Variants in KRI1 observed in about 807,000 individuals in gnomAD.
The protein encoded by KRI1 is KRI1 homolog, also known as protein KRI1 homolog.
A neutral mutation model predicts 97.0 loss-of-function variants in KRI1; 83 were observed. That is an observed-to-expected ratio of 0.86 (90% CI 0.72 to 1.03). The LOEUF (loss-of-function observed/expected upper bound fraction) is 1.03, where lower values mean the gene tolerates loss of function less well. KRI1 is among the 50% of genes least tolerant of loss of function. KRI1 has a pLI of 0.00. For synonymous variants in KRI1, 371 were observed against 363.5 expected (o/e 1.02, Z -0.23); for missense variants, 916 against 928.4 (o/e 0.99, Z 0.17).
rs913476641 is a variant in KRI1 at position 10,553,808 on chromosome 19, C to T, written c.*143G>A. The T allele has an allele frequency of 3.4e-5, 24 of 713,794 alleles. No homozygotes were observed. The Admixed American group carries it at 3.9e-4, about 12-fold the overall frequency. 44.2% of individuals were successfully genotyped at this position (713,794 alleles called of 1,614,324 possible). Reference sequence around the variant, plus strand: ...CTGGGCTCAAGTGATCCTTTCACCTCGGCCTCCCAAAGTGCTGGGATTACA... The same window carrying T: ...CTGGGCTCAAGTGATCCTTTCACCTTGGCCTCCCAAAGTGCTGGGATTACA... On this transcript the variant is annotated 3_prime_UTR_variant, in exon 19 of 19. Coordinates refer to ENST00000312962, the MANE Select transcript of KRI1 (RefSeq NM_023008.5).
chr19:10,559,000 C>T (rs1228100132), intron 12 of KRI1, among the ~76,000 whole-genome samples: 2 of 137,360 alleles, frequency 1.5e-5, no homozygotes, highest in African/African-American at 2.5e-5. Flanking sequence ...CCACTGCACC[C>T]GGCCAGGTCT....
intron 2 of KRI1, 116 bp downstream of exon 2, chr19:10,565,601 G>A: frequency 1.5e-6 from 2 of 1,321,952 alleles, no homozygotes; most frequent in East Asian, 2.7e-5. Flanking sequence ...GCGGAGGATG[G>A]GACGCTCCCG....
At chr19:10,558,486 C>T (rs1916590028) in intron 12 of KRI1, among the ~76,000 whole-genome samples, 1 of 152,144 alleles carries the variant, frequency 6.6e-6, no homozygotes, top group African/African-American at 2.4e-5. Context: ...AGTTCTTCGC[C>T]GTCCTACCCA....
rs370413937 is a variant in KRI1, at chr19:10,559,822, C to T, written c.915G>A (p.Pro305=). The change falls in exon 10 of 19, where the codon CCG becomes CCA. Residue 305 remains proline, a synonymous_variant. Transcript: ENST00000312962. Reference sequence around the variant, plus strand: ...CCCAGCCACACACCGATGCTGAGTCCGGCTCCTCGAAACGGAAATTGTACT... The same window carrying T: ...CCCAGCCACACACCGATGCTGAGTCTGGCTCCTCGAAACGGAAATTGTACT... ...EQKYNFRFEE[P]DSASVKTYPR... The T allele has an allele frequency of 5.8e-5, 93 of 1,613,702 alleles. No individual in the cohort carries two copies. Among genetic ancestry groups the T allele is most frequent in the Non-Finnish European group, 7.1e-5 (84 of 1,180,012 alleles).
chr19:10,560,001 A>G, intron 9 of KRI1, 65 bp from the exon 10 acceptor site: 2 of 1,572,072 alleles, frequency 1.3e-6, no homozygotes, highest in Non-Finnish European at 1.7e-6. Context: ...CCTTTCCTGC[A>G]CGCCTGGGTA....
At chr19:10,562,234 G>C (rs1404999721) in intron 4 of KRI1, among the ~76,000 whole-genome samples, 3 of 151,984 alleles carry the variant, frequency 2.0e-5, no homozygotes, top group African/African-American at 7.3e-5. Flanking sequence ...ATTTTTAGTA[G>C]AGACGGGGTT....
chr19:10,553,242 C>A lies in KRI1; in HGVS notation c.*709G>T. ...AGGGACAGAGCCCACAGAGCCCATA[C>A]ACCTGTCTCCCACCAGCGGGGCCCT... On this transcript the variant is annotated 3_prime_UTR_variant, in exon 19 of 19. Coordinates refer to ENST00000312962, the MANE Select transcript of KRI1 (RefSeq NM_023008.5). The A allele has an allele frequency of 1.2e-6, 1 of 813,026 alleles. No homozygotes were observed. Among genetic ancestry groups the A allele is most frequent in the African/African-American group, 1.7e-5 (1 of 58,174 alleles). 50.4% of individuals were successfully genotyped at this position (813,026 alleles called of 1,614,324 possible).
At position 10,557,837 on chromosome 19, in the gene KRI1, G is replaced by A. The variant is rs371976308; in HGVS notation, c.1418C>T (p.Thr473Met). ...PRKKKREAPL[T>M]GKKKRKSPFA... The stretch of plus-strand genomic sequence containing the variant: ...GGGCGACTTGCGCTTCTTCTTGCCC[G>A]TCAAGGGGGCCTCGCGCTTTTTCTT... The change falls in exon 15 of 19, where the codon ACG (threonine) becomes ATG (methionine). Residue 473 changes from threonine (T) to methionine (M), a missense_variant. Thr to Met is a moderately conservative substitution (Grantham distance 81). Around this residue, in one of 3 missense-constraint regions of KRI1, gnomAD observed 672 missense variants for 667.2 expected, o/e 1.01. Coordinates refer to ENST00000312962, the MANE Select transcript of KRI1 (RefSeq NM_023008.5). 18 of 1,613,368 alleles carry A rather than the reference G, an allele frequency of 1.1e-5. No homozygotes were observed. The highest frequency in any genetic ancestry group is 4.5e-5 in the East Asian group (2 of 44,896).
intron 6 of KRI1, 33 bp downstream of exon 6, chr19:10,561,634 T>A (rs1186222536): frequency 6.2e-7 from 1 of 1,610,540 alleles, no homozygotes; most frequent in East Asian, 2.2e-5. Context: ...TCAACTTTCC[T>A]CCATTGGGCC....
intron 4 of KRI1, among the ~76,000 whole-genome samples, chr19:10,562,076 T>A (rs909763685): frequency 6.6e-6 from 1 of 150,752 alleles, no homozygotes; most frequent in African/African-American, 2.4e-5. Context: ...GGAGCCAGGG[T>A]CTCGCTCTAT....
intron 18 of KRI1, among the ~76,000 whole-genome samples, chr19:10,554,581 T>G (rs1005711772): frequency 1.6e-4 from 25 of 152,236 alleles, no homozygotes; most frequent in South Asian, 2.1e-4. Context: ...GGTCTTGCTG[T>G]GTCGCCCAGG....
intron 12 of KRI1, 44 bp from the exon 13 acceptor site, chr19:10,558,283 TAGG>T: frequency 6.3e-7 from 1 of 1,588,702 alleles, no homozygotes; most frequent in South Asian, 1.1e-5. Context: ...ACTCGAGACA[TAGG>T]AGCTGAGCCC....
chr19:10,560,444 T>A lies in KRI1; in HGVS notation c.668A>T (p.His223Leu). 6.2e-7 allele frequency: 1 copy of A among 1,610,382 alleles called. No individual in the cohort carries two copies. The highest frequency in any genetic ancestry group is 8.5e-7 in the Non-Finnish European group (1 of 1,177,910). ...RNPDSLKELT[H>L]LKEYWNDPEL... The stretch of plus-strand genomic sequence containing the variant: ...AGGGTCGTTCCAGTATTCCTTGAGA[T>A]GCGTCTGGGGGTGACAGGAGACAGG... Residue 223 changes from histidine (H) to leucine (L), a missense_variant, in exon 9 of 19, where the codon CAT (histidine) becomes CTT (leucine). By Grantham distance (99) the His-to-Leu change is moderately conservative. This residue lies in a region of KRI1 where 672 missense variants were observed against 667.2 expected (regional missense o/e 1.01). Coordinates refer to ENST00000312962, the MANE Select transcript of KRI1 (RefSeq NM_023008.5).
intron 8 of KRI1, 96 bp from the exon 9 acceptor site, chr19:10,560,544 A>C: frequency 1.2e-6 from 1 of 855,620 alleles, no homozygotes; most frequent in Non-Finnish European, 1.9e-6. Flanking sequence ...CCTCTGGAGT[A>C]GGTGACATTA....
chr19:10,558,414 C>T (rs1011591140), intron 12 of KRI1, among the ~76,000 whole-genome samples, 175 bp from the exon 13 acceptor site: 2 of 152,112 alleles, frequency 1.3e-5, no homozygotes, highest in African/African-American at 4.8e-5. Context: ...CAGGATCCTC[C>T]GCCAACTCCC....
intron 1 of KRI1, 23 bp from the exon 2 acceptor site, chr19:10,565,813 C>CCCT (rs1916853047): frequency 6.5e-7 from 1 of 1,539,590 alleles, no homozygotes; most frequent in Non-Finnish European, 8.8e-7. Context: ...GACGGGATGC[C>CCCT]CCCCCCCAGG....
chr19:10,560,853 G>T, intron 8 of KRI1, 150 bp downstream of exon 8: 1 of 658,442 alleles, frequency 1.5e-6, no homozygotes. Flanking sequence ...TGTGAACCAC[G>T]GCACCCAGCC....
intron 9 of KRI1, 55 bp from the exon 10 acceptor site, chr19:10,559,991 C>G (rs1482790530): frequency 5.7e-6 from 9 of 1,591,284 alleles, no homozygotes; most frequent in African/African-American, 4.0e-5. Context: ...GTCGAGCCCC[C>G]CTTTCCTGCA....
intron 5 of KRI1, 27 bp from the exon 6 acceptor site, chr19:10,561,743 C>T: frequency 6.2e-7 from 1 of 1,614,074 alleles, no homozygotes; most frequent in Non-Finnish European, 8.5e-7. Context: ...AGGTCTCAGG[C>T]CAGCCCCAGG....
Sources: allele counts gnomAD v4.1 joint callset (sites outside exome capture counted in the v4.1 genomes callset), GRCh38; gene constraint gnomAD v4.1.1; regional missense constraint gnomAD v4.1.1; transcripts MANE v1.5; gene names NCBI Gene and HGNC (gene_info 2026-07-23, HGNC 2026-07-21).